Variants in MEGF6 observed in about 807,000 individuals in gnomAD.
MEGF6 encodes the protein multiple EGF like domains 6, also known as multiple epidermal growth factor-like domains protein 6.
MEGF6 carries 184 observed loss-of-function variants against 207.1 expected under a neutral mutation model. The observed-to-expected ratio is 0.89, with a 90% CI of 0.79 to 1.00. The LOEUF is 1.00. Among genes scored for constraint, MEGF6 ranks in the 50% least tolerant of loss-of-function variants. MEGF6 has a pLI of 0.00. For synonymous variants in MEGF6, 1,038 were observed against 910.0 expected (o/e 1.14, Z -2.53); for missense variants, 2,282 against 2,202.9 (o/e 1.04, Z -0.72).
At chr1:3,494,799 G>A in intron 30 of MEGF6, 58 bp from the exon 31 acceptor site, 2 of 1,485,268 alleles carry the variant, frequency 1.3e-6, no homozygotes, top group Non-Finnish European at 1.8e-6. Context: ...GCTCCCTCTG[G>A]GGATATGTCC....
At chr1:3,597,539 T>G (rs1330359730) in intron 2 of MEGF6, among the ~76,000 whole-genome samples, 1 of 152,144 alleles carries the variant, frequency 6.6e-6, no homozygotes, top group African/African-American at 2.4e-5. Flanking sequence ...TCACCTGCAG[T>G]CAAGTTAACA....
intron 1 of MEGF6, among the ~76,000 whole-genome samples, chr1:3,605,341 TCATA>T (rs1169524190): frequency 2.9e-5 from 4 of 140,026 alleles, no homozygotes; most frequent in African/African-American, 7.5e-5. Flanking sequence ...CTCAACATGC[TCATA>T]CACTCACGCA....
rs1643180012 is a variant in MEGF6, at chr1:3,560,857, CTGG to C, written c.481+18965_481+18967del. The C allele has an allele frequency of 2.3e-5, 10 of 428,088 alleles. No homozygotes were observed. Among genetic ancestry groups the C allele is most frequent in the African/African-American group, 2.2e-4 (10 of 44,730 alleles). 26.5% of individuals were successfully genotyped at this position (428,088 alleles called of 1,614,324 possible). ...GGCCGCGAGGGGGTTGCTGGGCTGG[CTGG>C]TCCCCCAGGTCTCTACGCGAAGGGG... On this transcript the variant is annotated intron_variant, in intron 4 of 36. Coordinates refer to ENST00000356575, the MANE Select transcript of MEGF6 (RefSeq NM_001409.4). The surrounding 1 kb of genome is among the most constrained non-coding windows in gnomAD (Gnocchi z 4.0).
upstream of MEGF6, among the ~76,000 whole-genome samples, chr1:3,614,332 CCCA>C (rs1644361121): frequency 6.6e-6 from 1 of 152,200 alleles, no homozygotes; most frequent in South Asian, 2.1e-4. Context: ...TGTCTTCCTG[CCCA>C]CAAGACAGCC....
chr1:3,501,457 G>A (rs1640862285), intron 18 of MEGF6, 149 bp from the exon 19 acceptor site: 2 of 1,217,864 alleles, frequency 1.6e-6, no homozygotes, highest in East Asian at 2.6e-5. Context: ...AGAGGACCCG[G>A]GCACCTCCTG....
intron 4 of MEGF6, among the ~76,000 whole-genome samples, chr1:3,559,972 T>C (rs1643147254): frequency 6.9e-6 from 1 of 144,172 alleles, no homozygotes; most frequent in Non-Finnish European, 1.5e-5. Flanking sequence ...GATCACACCA[T>C]GGCACTCAGC....
chr1:3,497,301 G>T lies in MEGF6; in HGVS notation c.3413C>A (p.Ala1138Asp). ...GGCCCCAGTGACGTGGTGGCAGGCA[G>T]CGCCAGGCGGGCAGCTGCAGCGCTG... Reference protein sequence around the residue: ...CAQRCSCPPGAACHHVTGACR... With the variant: ...CAQRCSCPPGDACHHVTGACR... The change falls in exon 27 of 37, where the codon GCT (alanine) becomes GAT (aspartate). Residue 1138 changes from alanine to aspartate, a missense_variant. Coordinates refer to ENST00000356575, the MANE Select transcript of MEGF6 (RefSeq NM_001409.4). The T allele has an allele frequency of 6.4e-7, 1 of 1,551,144 alleles. No homozygotes were observed.
chr1:3,522,561 G>A (rs964710596), intron 5 of MEGF6, among the ~76,000 whole-genome samples: 24 of 151,970 alleles, frequency 1.6e-4, no homozygotes, highest in South Asian at 2.1e-4. Context: ...CAGAAGGCCC[G>A]GCTATAGGAG....
Position 3,506,797 on chromosome 1 carries a change from G to A in MEGF6, c.1790-561C>T, listed in dbSNP as rs114271710. ...CTAGTCCCCAGGACCTGGAGACTAG[G>A]CACAGTTGCATTTCTTGCAACAGTG... On this transcript the variant is annotated intron_variant, in intron 14 of 36. Transcript: ENST00000356575. 9.3e-3 allele frequency among the ~76,000 whole-genome samples: 1,415 copies of A among 152,282 alleles called. 12 individuals carry two copies. The highest frequency in any genetic ancestry group is 0.032 in the African/African-American group (1,321 of 41,542).
chr1:3,508,759 C>T (rs1641214998), intron 12 of MEGF6, 70 bp from the exon 13 acceptor site: 1 of 1,572,200 alleles, frequency 6.4e-7, no homozygotes, highest in African/African-American at 1.3e-5. Context: ...AGGCCCGGCT[C>T]AGACCCTCAG....
At chr1:3,520,680 C>T (rs1641713707) in intron 5 of MEGF6, among the ~76,000 whole-genome samples, 1 of 152,190 alleles carries the variant, frequency 6.6e-6, no homozygotes, top group Non-Finnish European at 1.5e-5. Context: ...GACCCACACT[C>T]TCACAGTGTG....
chr1:3,582,442 G>A (rs1256538050), intron 3 of MEGF6, among the ~76,000 whole-genome samples: 3 of 152,118 alleles, frequency 2.0e-5, no homozygotes, highest in Non-Finnish European at 4.4e-5. Context: ...ACACACCCAC[G>A]TCTCTCCACC....
intron 4 of MEGF6, among the ~76,000 whole-genome samples, chr1:3,531,810 G>A (rs966390651): frequency 2.0e-5 from 3 of 151,902 alleles, no homozygotes; most frequent in South Asian, 2.1e-4. Flanking sequence ...TGGCCGGGCC[G>A]CGGGGCGGGG....
chr1:3,496,857 C>T, intron 28 of MEGF6, 74 bp from the exon 29 acceptor site: 2 of 1,524,838 alleles, frequency 1.3e-6, no homozygotes, highest in South Asian at 2.5e-5. Context: ...AGCAAGGCAG[C>T]TCTCATGAGA....
Position 3,507,708 on chromosome 1 carries a change from G to A in MEGF6, c.1789+87C>T, listed in dbSNP as rs1641166594. On this transcript the variant is annotated intron_variant, in intron 14 of 36. Transcript: ENST00000356575. ...TTCCCTGCTCCAGTGGGAGGAAGGA[G>A]ACAAGGAGGACGTGGAGGGGTGGTG... 3.2e-6 allele frequency: 5 copies of A among 1,559,516 alleles called. No homozygotes were observed. The South Asian group carries it at 5.6e-5, about 17-fold the overall frequency.
intron 3 of MEGF6, among the ~76,000 whole-genome samples, chr1:3,588,516 A>AGGACAGGG (rs1557800179): frequency 2.7e-5 from 1 of 36,582 alleles, no homozygotes; most frequent in Non-Finnish European, 5.0e-5. Context: ...GCAGGAGGGG[A>AGGACAGGG]TAGGAGTGGC....
intron 21 of MEGF6, among the ~76,000 whole-genome samples, chr1:3,500,137 AG>A (rs1228118687): frequency 6.6e-6 from 1 of 152,170 alleles, no homozygotes; most frequent in Admixed American, 6.5e-5. Context: ...CATCAGCTTT[AG>A]GGATGGGAAC....
intron 4 of MEGF6, among the ~76,000 whole-genome samples, chr1:3,536,650 C>T (rs901312694): frequency 6.6e-6 from 1 of 152,192 alleles, no homozygotes; most frequent in Admixed American, 6.5e-5. Context: ...TGTGGAAACG[C>T]AGCCGGCGTC....
intron 4 of MEGF6, among the ~76,000 whole-genome samples, chr1:3,563,907 C>G (rs931112841): frequency 1.3e-5 from 2 of 152,216 alleles, no homozygotes; most frequent in Non-Finnish European, 2.9e-5. Flanking sequence ...CTGCCCCTTC[C>G]CAAGGCAATA....
Sources: gnomAD v4.1 joint callset for allele counts (sites outside exome capture counted in the v4.1 genomes callset) on GRCh38, gnomAD v4.1.1 for gene constraint, Gnocchi (gnomAD v3.1) non-coding constraint, MANE v1.5 for transcripts, NCBI Gene and HGNC (gene_info 2026-07-23, HGNC 2026-07-21) for gene names.